The following HDAC9 variants were observed in gnomAD, a reference collection of about 807,000 sequenced individuals.
HDAC9 encodes the protein histone deacetylase 9, also known as MEF-2 interacting transcription repressor (MITR) protein.
A neutral mutation model predicts 139.4 loss-of-function variants in HDAC9; 41 were observed. The ratio of observed to expected loss-of-function variants is 0.29; its 90% CI spans 0.23 to 0.38. HDAC9 has a LOEUF of 0.38. Ranked by LOEUF, HDAC9 falls within the 10% of genes least tolerant of loss-of-function variation. HDAC9 has a pLI of 1.00. For missense variants in HDAC9, 1,147 were observed against 1,297.0 expected, an observed-to-expected ratio of 0.88 and a Z score of 1.78; for synonymous variants, 517 against 476.2, an observed-to-expected ratio of 1.09 and a Z score of -1.12.
chr7:18,641,660 C>G (rs1280799772), intron 8 of HDAC9, among the ~76,000 whole-genome samples: 1 of 152,080 alleles, frequency 6.6e-6, no homozygotes, highest in African/African-American at 2.4e-5. Flanking sequence ...GGCATCATAG[C>G]AAAGCACTGA....
intron 2 of HDAC9, among the ~76,000 whole-genome samples, chr7:18,210,489 A>C (rs770463575): frequency 2.0e-5 from 3 of 152,164 alleles, no homozygotes; most frequent in Non-Finnish European, 4.4e-5. Context: ...AGAACTAAAG[A>C]TATGTCGAGA....
At chr7:18,517,588 A>AAC (rs1396301233) in intron 2 of HDAC9, 1 of 152,168 alleles carries the variant, frequency 6.6e-6, no homozygotes, top group Admixed American at 6.5e-5. Context: ...ATCATATACC[A>AAC]ACTTTGTTAT....
chr7:18,306,661 G>T (rs960441939), intron 1 of HDAC9, among the ~76,000 whole-genome samples: 1 of 152,094 alleles, frequency 6.6e-6, no homozygotes, highest in Non-Finnish European at 1.5e-5. Flanking sequence ...TTTGATCCAG[G>T]CATTTTCTTG....
intron 2 of HDAC9, among the ~76,000 whole-genome samples, chr7:18,251,930 G>A (rs111382442): frequency 2.6e-5 from 4 of 152,230 alleles, no homozygotes; most frequent in African/African-American, 4.8e-5. Flanking sequence ...CTGTATATAC[G>A]TATGTCCCCG....
At chr7:18,358,915 G>T (rs1280953627) in intron 1 of HDAC9, among the ~76,000 whole-genome samples, 1 of 152,198 alleles carries the variant, frequency 6.6e-6, no homozygotes, top group Admixed American at 6.5e-5. Context: ...CACATAGTCA[G>T]TAGTATTCAA....
At chr7:18,151,036 A>T (rs574256395) in intron 1 of HDAC9, among the ~76,000 whole-genome samples, 1 of 152,312 alleles carries the variant, frequency 6.6e-6, no homozygotes, top group East Asian at 1.9e-4. Flanking sequence ...AATCTGTCTC[A>T]GTCTATTTTA....
At chr7:18,136,785 G>A (rs1392345809) in intron 1 of HDAC9, among the ~76,000 whole-genome samples, 4 of 151,132 alleles carry the variant, frequency 2.6e-5, no homozygotes, top group East Asian at 2.0e-4. Flanking sequence ...TTGGCGATGC[G>A]GGCTCTTTTT....
chr7:18,548,156 G>C (rs1028686348), intron 2 of HDAC9, among the ~76,000 whole-genome samples: 1 of 152,028 alleles, frequency 6.6e-6, no homozygotes, highest in Non-Finnish European at 1.5e-5. Flanking sequence ...GACCTGAGGA[G>C]AGGCAGAGAG....
At chr7:18,799,360 C>T (rs190476721) in intron 17 of HDAC9, among the ~76,000 whole-genome samples, 2 of 152,254 alleles carry the variant, frequency 1.3e-5, no homozygotes, top group Admixed American at 6.5e-5. Flanking sequence ...CAGTTTTCCA[C>T]AGAAATGTTT....
chr7:18,647,583 C>T, intron 9 of HDAC9, among the ~76,000 whole-genome samples: 1 of 152,084 alleles, frequency 6.6e-6, no homozygotes, highest in East Asian at 1.9e-4. Context: ...ATTAAATTGT[C>T]TTCAGTGCTC....
intron 1 of HDAC9, among the ~76,000 whole-genome samples, chr7:18,338,856 T>C (rs1035650015): frequency 2.6e-5 from 4 of 151,506 alleles, no homozygotes; most frequent in Non-Finnish European, 4.4e-5. Context: ...TTTTTTTAAA[T>C]CCTCGGTAGA....
chr7:18,423,722 G>A (rs1304235044), intron 1 of HDAC9, among the ~76,000 whole-genome samples: 1 of 152,204 alleles, frequency 6.6e-6, no homozygotes, highest in African/African-American at 2.4e-5. Flanking sequence ...TTTACATGGA[G>A]AATGGATCCC....
intron 23 of HDAC9, among the ~76,000 whole-genome samples, chr7:18,945,639 G>A (rs1782325463): frequency 6.6e-6 from 1 of 151,998 alleles, no homozygotes; most frequent in Non-Finnish European, 1.5e-5. Context: ...TCAACATTTA[G>A]ATGCATAGTT....
chr7:18,680,223 G>A (rs73683135), intron 12 of HDAC9, among the ~76,000 whole-genome samples: 4,408 of 152,030 alleles, frequency 0.029, 226 homozygotes, highest in African/African-American at 0.1. Flanking sequence ...AAATTGTGGG[G>A]AGCCTACTAG....
At position 18,835,445 on chromosome 7, in the gene HDAC9, G is replaced by T. The variant is rs555747939; in HGVS notation, c.2467-22G>T. ...AAAGTTAGACATGACTGTATTTGTC[G>T]TCTGTTTTCATTTCCCTGTAGGATG... On this transcript the variant is annotated intron_variant, in intron 19 of 25. Transcript: ENST00000686413. 1.9e-6 allele frequency: 3 copies of T among 1,603,764 alleles called. No individual in the cohort carries two copies. In the African/African-American group the frequency reaches 4.0e-5, roughly 21 times the overall value.
At chr7:18,952,470 C>T (rs1364735137) in intron 23 of HDAC9, among the ~76,000 whole-genome samples, 2 of 151,934 alleles carry the variant, frequency 1.3e-5, no homozygotes, top group Admixed American at 6.6e-5. Flanking sequence ...AAGCTGTCAT[C>T]GCTTTGTGCT....
intron 2 of HDAC9, among the ~76,000 whole-genome samples, chr7:18,511,706 C>T (rs1801548972): frequency 6.6e-6 from 1 of 152,178 alleles, no homozygotes; most frequent in African/African-American, 2.4e-5. Flanking sequence ...CTTCCTTGGG[C>T]ACTCAACCAA....
At chr7:18,211,588 G>T (rs982583911) in intron 2 of HDAC9, among the ~76,000 whole-genome samples, 18 of 152,300 alleles carry the variant, frequency 1.2e-4, no homozygotes, top group African/African-American at 4.3e-4. Context: ...CTACTTAATT[G>T]ATGGCAAACA....
chr7:18,279,787 C>A (rs1289015548), intron 2 of HDAC9, among the ~76,000 whole-genome samples: 1 of 151,834 alleles, frequency 6.6e-6, no homozygotes, highest in Non-Finnish European at 1.5e-5. Flanking sequence ...TTAATAAGGA[C>A]AAATATTGCC....
Sources: allele counts gnomAD v4.1 joint callset (sites outside exome capture counted in the v4.1 genomes callset), GRCh38; gene constraint gnomAD v4.1.1; transcripts MANE v1.5; gene names NCBI Gene and HGNC (gene_info 2026-07-23, HGNC 2026-07-21).